The following SLCO3A1 variants were observed in gnomAD, a reference collection of about 807,000 sequenced individuals.
The protein encoded by SLCO3A1 is PGE1 transporter.
Under a neutral mutation model 63.1 loss-of-function variants are expected in SLCO3A1, and 27 were observed. That is an observed-to-expected ratio of 0.43 (90% CI 0.32 to 0.59). The LOEUF (loss-of-function observed/expected upper bound fraction) is 0.59, where lower values mean the gene tolerates loss of function less well. SLCO3A1 is among the 20% of genes least tolerant of loss of function. The pLI is 0.09. For synonymous variants in SLCO3A1, 473 were observed against 409.9 expected, an observed-to-expected ratio of 1.15 and a Z score of -1.86; for missense variants, 773 against 945.8, an observed-to-expected ratio of 0.82 and a Z score of 2.40.
rs1897029120 is a variant in SLCO3A1, at chr15:91,860,782, G to C, written c.180+6694G>C. ...CAGAGGGGCTCAGGTCTCACGTCTT[G>C]TCTGCTGCCTTCACCTCGTGTTCTC... On this transcript the variant is annotated intron_variant, in intron 1 of 9. Coordinates refer to ENST00000318445, the MANE Select transcript of SLCO3A1 (RefSeq NM_013272.4). The surrounding 1 kb of genome is among the most constrained non-coding windows in gnomAD (Gnocchi z 5.5). 1.3e-5 allele frequency among the ~76,000 whole-genome samples: 2 copies of C among 152,244 alleles called. No individual in the cohort carries two copies. Among genetic ancestry groups the C allele is most frequent in the Admixed American group, 1.3e-4 (2 of 15,286 alleles).
intron 1 of SLCO3A1, among the ~76,000 whole-genome samples, chr15:91,866,412 G>A (rs1897164676): frequency 6.6e-6 from 1 of 152,056 alleles, no homozygotes; most frequent in African/African-American, 2.4e-5. Flanking sequence ...GACCAAAAGA[G>A]ACTTTATCAC....
chr15:92,046,286 G>A (rs973402613), intron 2 of SLCO3A1, among the ~76,000 whole-genome samples: 39 of 152,012 alleles, frequency 2.6e-4, no homozygotes, highest in African/African-American at 9.2e-4. Flanking sequence ...AGGCCGAGAC[G>A]GATGGGTCAC....
chr15:92,051,194 G>A (rs911556683), intron 2 of SLCO3A1, among the ~76,000 whole-genome samples: 2 of 152,204 alleles, frequency 1.3e-5, no homozygotes, highest in African/African-American at 4.8e-5. Context: ...GTGAGGTGAA[G>A]GCTTCAGGGC....
chr15:92,105,059 A>G (rs2047651453), intron 4 of SLCO3A1, among the ~76,000 whole-genome samples: 1 of 151,394 alleles, frequency 6.6e-6, no homozygotes, highest in Admixed American at 6.6e-5. Context: ...TTGAGGTCAG[A>G]AGTTTGAGAC....
At chr15:91,919,609 A>G (rs1898776588) in intron 2 of SLCO3A1, among the ~76,000 whole-genome samples, 1 of 152,188 alleles carries the variant, frequency 6.6e-6, no homozygotes, top group Non-Finnish European at 1.5e-5. Context: ...TCATGCCTCT[A>G]GCTCCATGTT....
At chr15:91,939,777 C>T (rs970334983) in intron 2 of SLCO3A1, among the ~76,000 whole-genome samples, 2 of 152,162 alleles carry the variant, frequency 1.3e-5, no homozygotes, top group African/African-American at 4.8e-5. Context: ...AGGACCTCTA[C>T]GCTGCTATAA....
At chr15:91,877,493 A>G (rs1897429517) in intron 1 of SLCO3A1, among the ~76,000 whole-genome samples, 1 of 152,206 alleles carries the variant, frequency 6.6e-6, no homozygotes, top group Non-Finnish European at 1.5e-5. Context: ...TGCTCATGAC[A>G]TCACTGCAAG....
intron 2 of SLCO3A1, among the ~76,000 whole-genome samples, chr15:91,995,440 C>G (rs1333604516): frequency 6.6e-6 from 1 of 152,112 alleles, no homozygotes; most frequent in African/African-American, 2.4e-5. Context: ...TATTGGACAG[C>G]TAGTGTCATA....
intron 2 of SLCO3A1, among the ~76,000 whole-genome samples, chr15:91,993,028 A>G (rs368691732): frequency 6.6e-6 from 1 of 152,220 alleles, no homozygotes; most frequent in Non-Finnish European, 1.5e-5. Flanking sequence ...TTAAGTCATT[A>G]GGTACAACCT....
In SLCO3A1 at chr15:91,885,869, G is replaced by A. The variant is rs909413384; in HGVS notation, c.181-30124G>A. On this transcript the variant is annotated intron_variant, in intron 1 of 9. Transcript: ENST00000318445. The surrounding 1 kb of genome is among the most constrained non-coding windows in gnomAD (Gnocchi z 4.7). ...AGATCAAATTATATAACTATTTGGA[G>A]CAAGAATGTTTCAGGCAGAGGGACT... Among the ~76,000 whole-genome samples, 5 of 152,198 alleles carry A rather than the reference G, an allele frequency of 3.3e-5. No individual in the cohort carries two copies. Among genetic ancestry groups the A allele is most frequent in the South Asian group, 2.1e-4 (1 of 4,826 alleles).
chr15:91,956,779 CTTCTTT>C (rs1567036873), intron 2 of SLCO3A1, among the ~76,000 whole-genome samples: 1 of 143,448 alleles, frequency 7.0e-6, no homozygotes, highest in African/African-American at 2.6e-5. Context: ...CTTGCCTTGC[CTTCTTT>C]TTTTTTTTTT....
intron 1 of SLCO3A1, among the ~76,000 whole-genome samples, chr15:91,903,950 C>T (rs1010645481): frequency 1.4e-5 from 2 of 141,230 alleles, no homozygotes; most frequent in Non-Finnish European, 3.1e-5. Context: ...GGGGTGGAGC[C>T]GGTGGAGAGG....
chr15:92,006,774 A>C (rs1384583328), intron 2 of SLCO3A1, among the ~76,000 whole-genome samples: 2 of 152,270 alleles, frequency 1.3e-5, no homozygotes, highest in African/African-American at 4.8e-5. Context: ...TGTCTAGTGC[A>C]GAGAGAATCA....
chr15:91,888,386 C>T (rs113476221), intron 1 of SLCO3A1, among the ~76,000 whole-genome samples: 3 of 152,272 alleles, frequency 2.0e-5, no homozygotes, highest in African/African-American at 7.2e-5. Flanking sequence ...GCCCTTTGCT[C>T]TTCATTCACT....
chr15:92,172,305 T>A (rs577615594), exon 11 of SLCO3A1: 1 of 159,560 alleles, frequency 6.3e-6, no homozygotes, highest in African/African-American at 2.4e-5. Context: ...ACATACTCAA[T>A]AGATTTTTGA....
chr15:92,036,958 CAGA>C (rs1357487638), intron 2 of SLCO3A1, among the ~76,000 whole-genome samples: 1 of 152,102 alleles, frequency 6.6e-6, no homozygotes, highest in African/African-American at 2.4e-5. Context: ...GGACCAGCTC[CAGA>C]AGTTCATTAT....
chr15:92,040,767 G>A (rs1224883057), intron 2 of SLCO3A1, among the ~76,000 whole-genome samples: 1 of 152,128 alleles, frequency 6.6e-6, no homozygotes, highest in Non-Finnish European at 1.5e-5. Context: ...GAACAGATTG[G>A]TCCTCAGCCT....
At position 91,941,279 on chromosome 15, in the gene SLCO3A1, G is replaced by A; in HGVS notation, c.646+24821G>A. ...TGTGAGCTGGTTTAGGTGTGTTGGG[G>A]CAGGGCGGGGCTCGGCTGGGGGGTG... On this transcript the variant is annotated intron_variant, in intron 2 of 9. Transcript: ENST00000318445. This position sits in a 1 kb window ranked among gnomAD's most constrained non-coding sequence, Gnocchi z 4.4. 3 of 256,272 alleles carry A rather than the reference G, an allele frequency of 1.2e-5. No individual in the cohort carries two copies. The highest frequency in any genetic ancestry group is 2.4e-5 in the Non-Finnish European group (3 of 127,286). 15.9% of individuals were successfully genotyped at this position (256,272 alleles called of 1,614,324 possible). A position where few individuals can be genotyped will look rare whatever the true frequency, so the allele number is the denominator to read the frequency against.
chr15:92,027,719 A>G (rs555187887), intron 2 of SLCO3A1, among the ~76,000 whole-genome samples: 1 of 152,330 alleles, frequency 6.6e-6, no homozygotes, highest in African/African-American at 2.4e-5. Context: ...CCCTAACGAA[A>G]ACACAAAGAC....
Sources: gnomAD v4.1 joint callset for allele counts (sites outside exome capture counted in the v4.1 genomes callset) on GRCh38, gnomAD v4.1.1 for gene constraint, Gnocchi (gnomAD v3.1) non-coding constraint, MANE v1.5 for transcripts, NCBI Gene and HGNC (gene_info 2026-07-23, HGNC 2026-07-21) for gene names.